Variants in RPTOR observed in about 807,000 individuals in gnomAD.
RPTOR encodes the protein regulatory-associated protein of mTOR.
RPTOR carries 21 observed loss-of-function variants against 169.9 expected under a neutral mutation model. The ratio of observed to expected loss-of-function variants is 0.12; its 90% CI spans 0.09 to 0.18. The LOEUF (loss-of-function observed/expected upper bound fraction) is 0.18, where lower values mean the gene tolerates loss of function less well. RPTOR is among the 10% of genes least tolerant of loss of function. RPTOR has a pLI of 1.00. For synonymous variants in RPTOR, 732 were observed against 753.2 expected, an observed-to-expected ratio of 0.97 and a Z score of 0.46; for missense variants, 1,133 against 1,855.9, an observed-to-expected ratio of 0.61 and a Z score of 7.16.
chr17:80,759,118 G>T (rs750350059), intron 6 of RPTOR, among the ~76,000 whole-genome samples: 3 of 152,054 alleles, frequency 2.0e-5, no homozygotes, highest in Non-Finnish European at 4.4e-5. Context: ...TGCTTGGAAG[G>T]CCGAGGCAGG....
intron 4 of RPTOR, among the ~76,000 whole-genome samples, chr17:80,717,067 CA>C (rs1216303097): frequency 6.6e-6 from 1 of 152,070 alleles, no homozygotes; most frequent in Non-Finnish European, 1.5e-5. Context: ...TTTTTGGTTC[CA>C]TATGAGTTTT....
chr17:80,908,043 G>T (rs747835503), intron 20 of RPTOR, among the ~76,000 whole-genome samples: 1 of 152,168 alleles, frequency 6.6e-6, no homozygotes, highest in African/African-American at 2.4e-5. Flanking sequence ...CGACGCTGGG[G>T]GTAACACCTG....
chr17:80,740,148 A>G (rs2066469595), intron 5 of RPTOR, among the ~76,000 whole-genome samples: 1 of 152,204 alleles, frequency 6.6e-6, no homozygotes, highest in Non-Finnish European at 1.5e-5. Flanking sequence ...CTGAGAGGAA[A>G]TGGACCAATT....
chr17:80,743,659 C>A (rs1401714975), intron 5 of RPTOR, among the ~76,000 whole-genome samples: 1 of 151,932 alleles, frequency 6.6e-6, no homozygotes, highest in Non-Finnish European at 1.5e-5. Context: ...CCCTCGGCAG[C>A]AAGGGTTGAG....
At position 80,679,202 on chromosome 17, in the gene RPTOR, C is replaced by T. The variant is rs560107080; in HGVS notation, c.349-28639C>T. Among the ~76,000 whole-genome samples the T allele has an allele frequency of 7.7e-4, 117 of 152,304 alleles. 1 individual carries two copies. Among genetic ancestry groups the T allele is most frequent in the South Asian group, 3.5e-3 (17 of 4,826 alleles). On this transcript the variant is annotated intron_variant, in intron 3 of 33. Coordinates refer to ENST00000306801, the MANE Select transcript of RPTOR (RefSeq NM_020761.3). ...AAGTTGCAGAGAATGGCCTGAACCC[C>T]AGAGGTGGAGGTTGCAGTGAGCCGA...
At chr17:80,753,582 G>A (rs1350233661) in intron 5 of RPTOR, among the ~76,000 whole-genome samples, 1 of 141,236 alleles carries the variant, frequency 7.1e-6, no homozygotes, top group Non-Finnish European at 1.5e-5. Context: ...GCAGTGAGTC[G>A]AGATCGCGCC....
intron 20 of RPTOR, among the ~76,000 whole-genome samples, chr17:80,905,719 C>T (rs1008175472): frequency 1.3e-5 from 2 of 152,212 alleles, no homozygotes; most frequent in African/African-American, 2.4e-5. Context: ...ACCTAGACCC[C>T]GGGTGTCCGC....
At chr17:80,752,031 G>A (rs924933548) in intron 5 of RPTOR, among the ~76,000 whole-genome samples, 7 of 152,206 alleles carry the variant, frequency 4.6e-5, no homozygotes, top group African/African-American at 7.2e-5. Context: ...TGTGTGGCCC[G>A]GTATGATCGG....
intron 5 of RPTOR, among the ~76,000 whole-genome samples, chr17:80,752,517 T>A (rs1269531971): frequency 6.6e-6 from 1 of 152,264 alleles, no homozygotes. Flanking sequence ...CCCTCATGTG[T>A]TATACTTATT....
chr17:80,895,259 T>C (rs1015808111), intron 20 of RPTOR, among the ~76,000 whole-genome samples: 9 of 152,290 alleles, frequency 5.9e-5, no homozygotes, highest in South Asian at 2.1e-4. Flanking sequence ...CGGCATATGG[T>C]GGCCGCTCCC....
intron 4 of RPTOR, among the ~76,000 whole-genome samples, chr17:80,710,552 GC>G (rs1190010314): frequency 6.8e-6 from 1 of 146,760 alleles, no homozygotes; most frequent in Admixed American, 6.9e-5. Context: ...ATGTTGATTT[GC>G]CTCCCTTGGT....
Position 80,833,080 on chromosome 17 carries a change from C to T in RPTOR, c.1137-4842C>T, listed in dbSNP as rs139401580. ...GGTCCTGAAACCCTGCGTTTCTCTG[C>T]GGTAATAACCCGTGCTTTCCGTTCC... On this transcript the variant is annotated intron_variant, in intron 9 of 33. Coordinates refer to ENST00000306801, the MANE Select transcript of RPTOR (RefSeq NM_020761.3). Among the ~76,000 whole-genome samples the T allele has an allele frequency of 3.4e-3, 468 of 139,018 alleles. 1 individual carries two copies. The highest frequency in any genetic ancestry group is 4.6e-3 in the Non-Finnish European group (301 of 65,032). 91.2% of individuals were successfully genotyped at this position (139,018 alleles called of 152,430 possible).
chr17:80,574,962 GC>G (rs1455136162), intron 1 of RPTOR, among the ~76,000 whole-genome samples: 2 of 150,772 alleles, frequency 1.3e-5, no homozygotes, highest in African/African-American at 4.9e-5. Context: ...ACCATGCCTG[GC>G]CCCCTAGTTT....
At chr17:80,900,300 C>T (rs996664620) in intron 20 of RPTOR, among the ~76,000 whole-genome samples, 1 of 151,942 alleles carries the variant, frequency 6.6e-6, no homozygotes, top group Non-Finnish European at 1.5e-5. Flanking sequence ...CCACTGTGGC[C>T]CTCCTGGGGC....
At chr17:80,557,540 A>ATCAG (rs981001473) in intron 1 of RPTOR, among the ~76,000 whole-genome samples, 5 of 151,916 alleles carry the variant, frequency 3.3e-5, no homozygotes, top group Non-Finnish European at 5.9e-5. Flanking sequence ...AACTCAATAA[A>ATCAG]TCAATAAATA....
At chr17:80,933,855 A>G (rs568299602) in intron 24 of RPTOR, among the ~76,000 whole-genome samples, 138 of 152,362 alleles carry the variant, frequency 9.1e-4, no homozygotes, top group Middle Eastern at 3.4e-3. Context: ...AGATAGACAA[A>G]TTCCTTGGAA....
chr17:80,945,165 C>T (rs2069084149), intron 25 of RPTOR, among the ~76,000 whole-genome samples: 2 of 151,792 alleles, frequency 1.3e-5, no homozygotes, highest in South Asian at 4.2e-4. Flanking sequence ...TGTGGCGGTG[C>T]GCGCCTATGT....
chr17:80,774,315 C>A, intron 6 of RPTOR: 5 of 985,404 alleles, frequency 5.1e-6, no homozygotes, highest in Non-Finnish European at 4.8e-6. Flanking sequence ...GAAGTGGAAG[C>A]CGCAATGTCA....
At chr17:80,905,827 C>T (rs1008394886) in intron 20 of RPTOR, among the ~76,000 whole-genome samples, 3 of 152,326 alleles carry the variant, frequency 2.0e-5, no homozygotes, top group Non-Finnish European at 2.9e-5. Context: ...GGCCTCCTGC[C>T]GTGCCTGCCC....
Sources: allele counts gnomAD v4.1 joint callset (sites outside exome capture counted in the v4.1 genomes callset), GRCh38; gene constraint gnomAD v4.1.1; transcripts MANE v1.5; gene names NCBI Gene and HGNC (gene_info 2026-07-23, HGNC 2026-07-21).